ESRRG: variants seen among roughly 807,000 people sequenced by gnomAD.
ESRRG encodes estrogen-related receptor gamma.
ESRRG carries 13 observed loss-of-function variants against 44.0 expected under a neutral mutation model. That is an observed-to-expected ratio of 0.30 (90% confidence interval 0.19 to 0.47). The LOEUF (loss-of-function observed/expected upper bound fraction) is 0.47. ESRRG is among the 20% of genes least tolerant of loss of function. ESRRG has a pLI of 1.00. For synonymous variants in ESRRG, 215 were observed against 214.6 expected (o/e 1.00, Z -0.02); for missense variants, 395 against 580.6 (o/e 0.68, Z 3.29).
chr1:216,807,460 T>G (rs1334413937), intron 2 of ESRRG, among the ~76,000 whole-genome samples: 1 of 152,136 alleles, frequency 6.6e-6, no homozygotes, highest in African/African-American at 2.4e-5. Context: ...CTTGTTTCCA[T>G]CTTTCAACAT....
chr1:216,900,583 T>A (rs528660021), intron 2 of ESRRG, among the ~76,000 whole-genome samples: 12 of 152,288 alleles, frequency 7.9e-5, no homozygotes, highest in African/African-American at 2.9e-4. Context: ...ATAAATTTAA[T>A]CCTAAGCTAT....
intron 2 of ESRRG, among the ~76,000 whole-genome samples, chr1:216,910,450 A>G (rs560056507): frequency 2.6e-5 from 4 of 152,336 alleles, no homozygotes; most frequent in African/African-American, 7.2e-5. Flanking sequence ...TTTTATTACA[A>G]GCACTCCAAT....
At chr1:216,568,451 C>T (rs1450649266) in intron 3 of ESRRG, among the ~76,000 whole-genome samples, 1 of 152,186 alleles carries the variant, frequency 6.6e-6, no homozygotes, top group East Asian at 1.9e-4. Flanking sequence ...GCATCCTTTT[C>T]ATCAGTCAGC....
chr1:217,113,039 T>A (rs533662201), intron 1 of ESRRG, among the ~76,000 whole-genome samples: 1 of 152,328 alleles, frequency 6.6e-6, no homozygotes, highest in East Asian at 1.9e-4. Flanking sequence ...TAGACTTTTT[T>A]AAGAGAATCG....
chr1:216,601,339 T>C (rs562897544), intron 3 of ESRRG, among the ~76,000 whole-genome samples: 2 of 152,068 alleles, frequency 1.3e-5, no homozygotes, highest in South Asian at 2.1e-4. Context: ...GCTGCGCGCG[T>C]CCGGAGCCGA....
At chr1:216,910,915 C>A (rs534747396) in intron 2 of ESRRG, among the ~76,000 whole-genome samples, 2 of 152,306 alleles carry the variant, frequency 1.3e-5, no homozygotes, top group African/African-American at 4.8e-5. Flanking sequence ...AATATTCAAG[C>A]ACAGGTAACT....
At chr1:216,648,422 A>C (rs2068128040) in intron 3 of ESRRG, among the ~76,000 whole-genome samples, 1 of 152,120 alleles carries the variant, frequency 6.6e-6, no homozygotes. Context: ...CAACAGCAGC[A>C]ATTCCCTAGA....
intron 3 of ESRRG, among the ~76,000 whole-genome samples, chr1:216,585,970 G>A (rs1363738454): frequency 6.6e-6 from 1 of 152,086 alleles, no homozygotes; most frequent in Non-Finnish European, 1.5e-5. Context: ...AACCCGGGAG[G>A]CGGAGCTTGC....
rs571357265 is a variant in ESRRG, at chr1:216,707,479, C to T, written c.56+15765G>A. On this transcript the variant is annotated intron_variant, in intron 1 of 6. Coordinates refer to ENST00000408911, the MANE Select transcript of ESRRG (RefSeq NM_001438.4). Reference sequence around the variant, plus strand: ...AATTACATTCATGATGGGAACTTTACATCAGTTCTAAAAAGCCAAAACCAG... The same window carrying T: ...AATTACATTCATGATGGGAACTTTATATCAGTTCTAAAAAGCCAAAACCAG... 652 of 1,532,632 alleles carry T rather than the reference C, an allele frequency of 4.3e-4. No homozygotes were observed. In the African/African-American group the frequency reaches 8.0e-3, roughly 19 times the overall value. The allele number at this position is 1,532,632 out of a possible 1,614,324, so 94.9% of individuals were successfully genotyped here. A position where few individuals can be genotyped will look rare whatever the true frequency, so the allele number is the denominator to read the frequency against.
intron 1 of ESRRG, among the ~76,000 whole-genome samples, chr1:217,100,403 G>T (rs989687351): frequency 1.3e-5 from 2 of 152,158 alleles, no homozygotes; most frequent in Admixed American, 6.6e-5. Context: ...GATTCTGTTA[G>T]GTGCCCTTTG....
intron 1 of ESRRG, among the ~76,000 whole-genome samples, chr1:216,944,352 C>T (rs776060554): frequency 1.3e-4 from 20 of 151,416 alleles, no homozygotes; most frequent in Admixed American, 1.1e-3. Context: ...TCCACTTTAA[C>T]GCTGGAAACA....
At chr1:216,632,879 A>G (rs2064511019) in intron 3 of ESRRG, among the ~76,000 whole-genome samples, 2 of 152,222 alleles carry the variant, frequency 1.3e-5, no homozygotes, top group African/African-American at 4.8e-5. Context: ...GGGAATTATT[A>G]TAAAGTCAAT....
chr1:216,828,045 T>C (rs930530442), intron 2 of ESRRG, among the ~76,000 whole-genome samples: 2 of 152,150 alleles, frequency 1.3e-5, no homozygotes, highest in East Asian at 3.9e-4. Flanking sequence ...CATTTCATTG[T>C]TCATTATTCT....
intron 2 of ESRRG, among the ~76,000 whole-genome samples, chr1:216,886,890 TTTTGTTTG>T (rs952908606): frequency 2.0e-5 from 3 of 151,948 alleles, no homozygotes; most frequent in Admixed American, 2.0e-4. Flanking sequence ...TGCCTGGCTA[TTTTGTTTG>T]TTTGTTTGTT....
chr1:216,912,115 G>T (rs1352946977), intron 2 of ESRRG, among the ~76,000 whole-genome samples: 3 of 9,034 alleles, frequency 3.3e-4, no homozygotes, highest in Non-Finnish European at 5.7e-4. Flanking sequence ...AAGAAGAAAA[G>T]AAAAGAAAAG....
intron 2 of ESRRG, among the ~76,000 whole-genome samples, chr1:216,883,386 GAAAAAAAAAAAAAAAAAA>G (rs11318094): frequency 2.6e-5 from 2 of 75,842 alleles, no homozygotes; most frequent in South Asian, 4.7e-4. Flanking sequence ...ACTTCTCTGA[GAAAAAAAAAAAAAAAAAA>G]AAAAAAAAAA....
intron 1 of ESRRG, among the ~76,000 whole-genome samples, chr1:216,683,986 A>T (rs2077487809): frequency 6.6e-6 from 1 of 152,178 alleles, no homozygotes. Context: ...TGCAAAATAT[A>T]AGGGATTTTG....
At chr1:216,603,660 G>A (rs2059533797) in intron 3 of ESRRG, among the ~76,000 whole-genome samples, 1 of 152,160 alleles carries the variant, frequency 6.6e-6, no homozygotes, top group East Asian at 1.9e-4. Context: ...CGGGCACCGT[G>A]GCTCACGCCT....
At chr1:217,108,694 T>TA (rs2092627370) in intron 1 of ESRRG, among the ~76,000 whole-genome samples, 1 of 151,928 alleles carries the variant, frequency 6.6e-6, no homozygotes, top group Non-Finnish European at 1.5e-5. Context: ...GTGATGTGCC[T>TA]ACTCCCTCTT....
Sources: gnomAD v4.1 joint callset for allele counts (sites outside exome capture counted in the v4.1 genomes callset) on GRCh38, gnomAD v4.1.1 for gene constraint, MANE v1.5 for transcripts, NCBI Gene and HGNC (gene_info 2026-07-23, HGNC 2026-07-21) for gene names.